Variants in LSAMP observed in about 807,000 individuals in gnomAD.
LSAMP encodes the protein limbic system associated membrane protein.
A neutral mutation model predicts 38.6 loss-of-function variants in LSAMP; 7 were observed. The observed-to-expected ratio is 0.18, with a 90% confidence interval of 0.10 to 0.34. The LOEUF (loss-of-function observed/expected upper bound fraction) is 0.34. Among genes scored for constraint, LSAMP ranks in the 10% least tolerant of loss-of-function variants. LSAMP has a pLI of 1.00. For missense variants in LSAMP, 313 were observed against 420.0 expected (o/e 0.75, Z 2.23); for synonymous variants, 154 against 166.8 (o/e 0.92, Z 0.59).
At chr3:116,126,643 C>G (rs925969497) in intron 1 of LSAMP, among the ~76,000 whole-genome samples, 2 of 152,138 alleles carry the variant, frequency 1.3e-5, no homozygotes, top group African/African-American at 4.8e-5. Flanking sequence ...AGGCAGATCA[C>G]TTGAGGCCAG....
chr3:115,959,930 A>G (rs1443815166), intron 3 of LSAMP, among the ~76,000 whole-genome samples: 1 of 152,148 alleles, frequency 6.6e-6, no homozygotes, highest in Non-Finnish European at 1.5e-5. Flanking sequence ...ACTCATGTAA[A>G]GGGAATATAA....
chr3:116,369,795 G>A (rs1397361042), intron 1 of LSAMP: 1 of 152,462 alleles, frequency 6.6e-6, no homozygotes, highest in Non-Finnish European at 1.5e-5. Context: ...CCTTTAATGT[G>A]GGCCCCTAAT....
chr3:115,872,848 A>G (rs1936081413), intron 3 of LSAMP, among the ~76,000 whole-genome samples: 1 of 152,168 alleles, frequency 6.6e-6, no homozygotes, highest in South Asian at 2.1e-4. Flanking sequence ...ATACTCATTC[A>G]CCAAATAAAT....
chr3:116,244,383 C>G (rs2046577844), intron 1 of LSAMP, among the ~76,000 whole-genome samples: 1 of 152,174 alleles, frequency 6.6e-6, no homozygotes, highest in Non-Finnish European at 1.5e-5. Context: ...ATATATTTCC[C>G]AAAGCCCATC....
At chr3:115,887,532 C>G (rs1576186461) in intron 3 of LSAMP, among the ~76,000 whole-genome samples, 4 of 151,956 alleles carry the variant, frequency 2.6e-5, no homozygotes, top group Admixed American at 2.0e-4. Context: ...AGTAGAACAA[C>G]TATATTGAAA....
At chr3:116,218,929 A>G (rs1438140270) in intron 1 of LSAMP, among the ~76,000 whole-genome samples, 9 of 152,224 alleles carry the variant, frequency 5.9e-5, no homozygotes, top group Non-Finnish European at 1.3e-4. Context: ...GTACAAAAGA[A>G]CCATATACTT....
At chr3:116,281,044 A>ATGAT (rs1049935799) in intron 1 of LSAMP, among the ~76,000 whole-genome samples, 5 of 152,172 alleles carry the variant, frequency 3.3e-5, no homozygotes, top group African/African-American at 1.2e-4. Flanking sequence ...ATAGATGCAA[A>ATGAT]TGATAGAATA....
intron 1 of LSAMP, among the ~76,000 whole-genome samples, chr3:116,111,198 G>C (rs530290120): frequency 6.6e-6 from 1 of 152,214 alleles, no homozygotes; most frequent in African/African-American, 2.4e-5. Context: ...CAGGGGATGC[G>C]ATGGCTTGGC....
intron 1 of LSAMP, among the ~76,000 whole-genome samples, chr3:116,247,265 T>C (rs914088375): frequency 2.0e-5 from 3 of 152,190 alleles, no homozygotes; most frequent in Admixed American, 2.0e-4. Flanking sequence ...TTTCTGCTTA[T>C]CCACAATCAA....
intron 1 of LSAMP, among the ~76,000 whole-genome samples, chr3:116,302,452 T>C (rs2047423175): frequency 6.6e-6 from 1 of 152,146 alleles, no homozygotes; most frequent in African/African-American, 2.4e-5. Context: ...CCACCCCCTA[T>C]GACACAATTT....
chr3:116,372,715 T>C (rs369453572), intron 1 of LSAMP, among the ~76,000 whole-genome samples: 1 of 146,508 alleles, frequency 6.8e-6, no homozygotes, highest in Non-Finnish European at 1.5e-5. Flanking sequence ...TAAAAAAAAA[T>C]GGGCAAAAGA....
intron 1 of LSAMP, among the ~76,000 whole-genome samples, chr3:116,292,038 C>T (rs1029855859): frequency 2.6e-5 from 4 of 152,116 alleles, no homozygotes; most frequent in Non-Finnish European, 4.4e-5. Flanking sequence ...TGGTACCACT[C>T]GCAAAAGATG....
chr3:116,122,533 T>C (rs922282245), intron 1 of LSAMP, among the ~76,000 whole-genome samples: 3 of 152,178 alleles, frequency 2.0e-5, no homozygotes, highest in African/African-American at 4.8e-5. Context: ...TATTTGTTAG[T>C]ACTTTTTAAT....
chr3:115,844,314 T>A (rs1217470526), intron 4 of LSAMP, among the ~76,000 whole-genome samples: 1 of 152,218 alleles, frequency 6.6e-6, no homozygotes, highest in Non-Finnish European at 1.5e-5. Context: ...AGAACCAGGA[T>A]TAGCAGTCAA....
At chr3:116,216,225 T>C (rs1576438820) in intron 1 of LSAMP, among the ~76,000 whole-genome samples, 1 of 152,282 alleles carries the variant, frequency 6.6e-6, no homozygotes. Flanking sequence ...TATTTTCCAA[T>C]AAAGTTCCTC....
At chr3:115,945,102 G>T (rs1938051894) in intron 3 of LSAMP, among the ~76,000 whole-genome samples, 1 of 151,900 alleles carries the variant, frequency 6.6e-6, no homozygotes, top group African/African-American at 2.4e-5. Context: ...AAAACTCATA[G>T]GGTTCTTATC....
chr3:116,317,663 A>G (rs1207272932), intron 1 of LSAMP, among the ~76,000 whole-genome samples: 1 of 151,658 alleles, frequency 6.6e-6, no homozygotes, highest in Non-Finnish European at 1.5e-5. Flanking sequence ...CCCCAAAGAC[A>G]GCCCAATCTC....
chr3:115,946,825 G>T (rs1252546635), intron 3 of LSAMP, among the ~76,000 whole-genome samples: 2 of 151,676 alleles, frequency 1.3e-5, no homozygotes, highest in African/African-American at 4.8e-5. Context: ...AAAAATATAC[G>T]AATAAAATAA....
At chr3:116,198,765 C>T (rs1449816294) in intron 1 of LSAMP, among the ~76,000 whole-genome samples, 1 of 11,686 alleles carries the variant, frequency 8.6e-5, no homozygotes, top group African/African-American at 1.5e-4. Context: ...AGCAAGACTC[C>T]GTCTCAGAAA....
Sources: gnomAD v4.1 joint callset for allele counts (sites outside exome capture counted in the v4.1 genomes callset) on GRCh38, gnomAD v4.1.1 for gene constraint, MANE v1.5 for transcripts, NCBI Gene and HGNC (gene_info 2026-07-23, HGNC 2026-07-21) for gene names.